Variants in NDST4 observed in about 807,000 individuals in gnomAD.
NDST4 encodes the protein N-deacetylase and N-sulfotransferase 4, also known as N-heparan sulfate sulfotransferase 4.
In NDST4, 63 loss-of-function variants were observed where a neutral mutation model predicts 100.8. The ratio of observed to expected loss-of-function variants is 0.62; its 90% CI spans 0.51 to 0.77. NDST4 has a LOEUF of 0.77. Ranked by LOEUF, NDST4 falls within the 30% of genes least tolerant of loss-of-function variation. NDST4 has a pLI of 0.00. For synonymous variants in NDST4, 377 were observed against 361.8 expected, an observed-to-expected ratio of 1.04 and a Z score of -0.48; for missense variants, 943 against 1,018.4, an observed-to-expected ratio of 0.93 and a Z score of 1.01.
chr4:114,852,099 C>T (rs145575405), intron 8 of NDST4, among the ~76,000 whole-genome samples: 40 of 152,256 alleles, frequency 2.6e-4, no homozygotes, highest in East Asian at 2.3e-3. Flanking sequence ...TTGAAAGTGT[C>T]ATCTCATTGG....
Position 114,867,665 on chromosome 4 carries a change from C to CAAAAAAAAAAAA in NDST4, c.1719+3091_1719+3102dup. ...GAATTATAAAAAAAAAAAAAAAAAG[C>CAAAAAAAAAAAA]AAAAAAAAAAAAAAAAAGAAAGAAA... On this transcript the variant is annotated intron_variant, in intron 7 of 13. Transcript: ENST00000264363. 5.1e-4 allele frequency among the ~76,000 whole-genome samples: 41 copies of CAAAAAAAAAAAA among 79,882 alleles called. 1 individual carries two copies. The highest frequency in any genetic ancestry group is 9.3e-4 in the African/African-American group (19 of 20,392). The allele number at this position is 79,882 out of a possible 152,430, so 52.4% of individuals were successfully genotyped here. A position where few individuals can be genotyped will look rare whatever the true frequency, so the allele number is the denominator to read the frequency against.
Position 115,076,045 on chromosome 4 carries a change from A to G in NDST4, c.978+14T>C, listed in dbSNP as rs976402442. 5 of 1,588,540 alleles carry G rather than the reference A, an allele frequency of 3.1e-6. No individual in the cohort carries two copies. Among genetic ancestry groups the G allele is most frequent in the African/African-American group, 2.7e-5 (2 of 73,978 alleles). On this transcript the variant is annotated intron_variant, in intron 2 of 13. Transcript: ENST00000264363. Reference sequence around the variant, plus strand: ...TGAAATACAAATTTCGATGTTGTCTATAAATAAGCTTACCTTCACATCTTT... The same window carrying G: ...TGAAATACAAATTTCGATGTTGTCTGTAAATAAGCTTACCTTCACATCTTT...
intron 1 of NDST4, among the ~76,000 whole-genome samples, chr4:115,093,793 T>C (rs536307141): frequency 6.6e-6 from 1 of 151,964 alleles, no homozygotes; most frequent in East Asian, 1.9e-4. Context: ...TAAAATACAT[T>C]TAAGAGTTTT....
intron 2 of NDST4, among the ~76,000 whole-genome samples, chr4:115,021,545 C>T (rs1401014549): frequency 5.8e-5 from 4 of 69,214 alleles, no homozygotes; most frequent in Admixed American, 1.7e-4. Context: ...TCCACATATA[C>T]ACATTCCATA....
intron 6 of NDST4, among the ~76,000 whole-genome samples, chr4:114,922,840 G>C (rs190141200): frequency 6.6e-6 from 1 of 152,282 alleles, no homozygotes; most frequent in African/African-American, 2.4e-5. Flanking sequence ...TCTATGCCTA[G>C]GGATACATAT....
rs144606794 is a variant in NDST4 at position 115,079,868 on chromosome 4, T to A, written c.-246-2586A>T. ...ACAATACTTAACCTCATTAGTAATT[T>A]AAGTTTTAAAAATCTGCATGATGTT... On this transcript the variant is annotated intron_variant, in intron 1 of 13. Coordinates refer to ENST00000264363, the MANE Select transcript of NDST4 (RefSeq NM_022569.3). Among the ~76,000 whole-genome samples, 697 of 152,310 alleles carry A rather than the reference T, an allele frequency of 4.6e-3. 1 individual carries two copies. The highest frequency in any genetic ancestry group is 0.016 in the African/African-American group (663 of 41,574).
chr4:115,022,468 TATATGTGTTCC>T (rs549943502), intron 2 of NDST4, among the ~76,000 whole-genome samples: 23 of 151,934 alleles, frequency 1.5e-4, no homozygotes, highest in African/African-American at 5.3e-4. Flanking sequence ...GTGTTCCATA[TATATGTGTTCC>T]ATATATATGT....
chr4:114,945,850 A>T (rs1328328696), intron 4 of NDST4, among the ~76,000 whole-genome samples: 1 of 151,732 alleles, frequency 6.6e-6, no homozygotes, highest in Non-Finnish European at 1.5e-5. Context: ...TAAGTGATAA[A>T]AGTAATGACT....
At chr4:114,933,456 T>TTTTTTTTTTTTTTTTTTA (rs1337610741) in intron 6 of NDST4, among the ~76,000 whole-genome samples, 4 of 133,422 alleles carry the variant, frequency 3.0e-5, no homozygotes, top group Non-Finnish European at 4.9e-5. Flanking sequence ...TTTTTTTTTG[T>TTTTTTTTTTTTTTTTTTA]GTGTAAAAAC....
At chr4:115,091,830 T>A (rs1004307399) in intron 1 of NDST4, among the ~76,000 whole-genome samples, 15 of 152,156 alleles carry the variant, frequency 9.9e-5, no homozygotes, top group Non-Finnish European at 1.8e-4. Context: ...TTGAAATCCT[T>A]TCCAAAGTTG....
rs970245441 is a variant in NDST4, at chr4:114,896,734, T to G, written c.1537-25784A>C. ...ATGAGATGTTCACATTGCATGAAAA[T>G]TCTTTGCAAGAAAACACAAGCCAGC... is the stretch of plus-strand genomic sequence containing the variant. On this transcript the variant is annotated intron_variant, in intron 6 of 13. Coordinates refer to ENST00000264363, the MANE Select transcript of NDST4 (RefSeq NM_022569.3). Among the ~76,000 whole-genome samples the G allele has an allele frequency of 5.9e-5, 9 of 152,216 alleles. No individual in the cohort carries two copies. In the South Asian group the frequency reaches 1.5e-3, roughly 25 times the overall value.
At chr4:114,888,951 C>T (rs1281470736) in intron 6 of NDST4, among the ~76,000 whole-genome samples, 1 of 151,566 alleles carries the variant, frequency 6.6e-6, no homozygotes, top group Non-Finnish European at 1.5e-5. Context: ...CTTTACTTTC[C>T]CTTATTTCTT....
chr4:114,862,546 A>T (rs571445722), intron 7 of NDST4, among the ~76,000 whole-genome samples: 2 of 152,200 alleles, frequency 1.3e-5, no homozygotes, highest in East Asian at 3.9e-4. Context: ...ATTCATTGCC[A>T]CTGTTGAATG....
At chr4:114,928,634 G>A (rs1189478408) in intron 6 of NDST4, among the ~76,000 whole-genome samples, 1 of 152,076 alleles carries the variant, frequency 6.6e-6, no homozygotes, top group Non-Finnish European at 1.5e-5. Context: ...GTCCATGAGG[G>A]TGTTTTGGGA....
intron 6 of NDST4, among the ~76,000 whole-genome samples, chr4:114,910,319 C>T (rs548766827): frequency 6.6e-6 from 1 of 152,216 alleles, no homozygotes; most frequent in Admixed American, 6.5e-5. Context: ...TCAGAATTAC[C>T]ATTTCAGGAA....
chr4:114,837,518 C>T (rs1298771442), intron 11 of NDST4, among the ~76,000 whole-genome samples: 1 of 152,096 alleles, frequency 6.6e-6, no homozygotes, highest in Non-Finnish European at 1.5e-5. Flanking sequence ...TCAGAAATAA[C>T]ACCACACATC....
intron 2 of NDST4, among the ~76,000 whole-genome samples, chr4:114,989,719 G>A (rs116087256): frequency 0.012 from 1,828 of 152,234 alleles, 37 homozygotes; most frequent in African/African-American, 0.04. Flanking sequence ...AGAAATGAGG[G>A]TCCTGGAGTT....
chr4:115,026,018 A>G (rs1337942636), intron 2 of NDST4, among the ~76,000 whole-genome samples: 1 of 152,072 alleles, frequency 6.6e-6, no homozygotes. Context: ...ATGATTTTCA[A>G]TTCATGATAT....
chr4:114,864,936 A>T (rs2126194356), intron 7 of NDST4, among the ~76,000 whole-genome samples: 1 of 152,198 alleles, frequency 6.6e-6, no homozygotes, highest in East Asian at 1.9e-4. Flanking sequence ...ATGTCTATCT[A>T]TTCTTCACCA....
Sources: gnomAD v4.1 joint callset for allele counts (sites outside exome capture counted in the v4.1 genomes callset) on GRCh38, gnomAD v4.1.1 for gene constraint, MANE v1.5 for transcripts, NCBI Gene and HGNC (gene_info 2026-07-23, HGNC 2026-07-21) for gene names.